The following ADAMTS17 variants were observed in gnomAD, a reference collection of about 807,000 sequenced individuals.
ADAMTS17 encodes A disintegrin and metalloproteinase with thrombospondin motifs 17.
A neutral mutation model predicts 141.5 loss-of-function variants in ADAMTS17; 113 were observed. That is an observed-to-expected ratio of 0.80 (90% confidence interval 0.69 to 0.93). The LOEUF (loss-of-function observed/expected upper bound fraction) is 0.93. Among genes scored for constraint, ADAMTS17 ranks in the 40% least tolerant of loss-of-function variants. The probability of loss-of-function intolerance (pLI) is 0.00; values close to 1 mark genes in which losing one functional copy is unlikely to be tolerated. For missense variants in ADAMTS17, 1,659 were observed against 1,517.9 expected (o/e 1.09, Z -1.54); for synonymous variants, 768 against 630.6 (o/e 1.22, Z -3.27).
chr15:100,219,307 A>T (rs1411828228), intron 7 of ADAMTS17, among the ~76,000 whole-genome samples: 2 of 152,172 alleles, frequency 1.3e-5, no homozygotes, highest in African/African-American at 2.4e-5. Flanking sequence ...ATATACTAAA[A>T]ACCACTTTAG....
chr15:100,153,935 C>T lies in ADAMTS17; in HGVS notation c.1323-1173G>A, dbSNP rs368569561. Among the ~76,000 whole-genome samples the T allele has an allele frequency of 6.3e-3, 966 of 152,330 alleles. 10 individuals are homozygous for T. Among genetic ancestry groups the T allele is most frequent in the African/African-American group, 0.017 (719 of 41,574 alleles). Reference sequence around the variant, plus strand: ...GTAGCTCACACCTGTAATCCCAGCACTTTGGGAGGCCGAGGCAGGCAGATC... The same window carrying T: ...GTAGCTCACACCTGTAATCCCAGCATTTTGGGAGGCCGAGGCAGGCAGATC... On this transcript the variant is annotated intron_variant, in intron 9 of 21. Coordinates refer to ENST00000268070, the MANE Select transcript of ADAMTS17 (RefSeq NM_139057.4).
chr15:100,293,999 T>A (rs1449661709), intron 3 of ADAMTS17, among the ~76,000 whole-genome samples: 1 of 152,178 alleles, frequency 6.6e-6, no homozygotes, highest in Non-Finnish European at 1.5e-5. Flanking sequence ...AATCTGCCCA[T>A]GGACTTCCAG....
chr15:100,120,389 G>A (rs1293343294), intron 12 of ADAMTS17, among the ~76,000 whole-genome samples: 1 of 152,180 alleles, frequency 6.6e-6, no homozygotes, highest in South Asian at 2.1e-4. Context: ...GAGTCAGGGT[G>A]AGCAGTAAGA....
At chr15:100,035,669 C>T (rs936999337) in intron 18 of ADAMTS17, among the ~76,000 whole-genome samples, 2 of 152,054 alleles carry the variant, frequency 1.3e-5, no homozygotes, top group African/African-American at 2.4e-5. Flanking sequence ...GGAGGACAGG[C>T]GGGTCTGCGT....
intron 10 of ADAMTS17, among the ~76,000 whole-genome samples, chr15:100,140,497 A>ATATATATATATATATG (rs1390126196): frequency 2.7e-5 from 4 of 146,338 alleles, no homozygotes; most frequent in Non-Finnish European, 6.1e-5. Context: ...ACATATATAT[A>ATATATATATATATATG]TATATATATA....
intron 7 of ADAMTS17, among the ~76,000 whole-genome samples, chr15:100,205,490 C>T (rs777496410): frequency 2.1e-4 from 32 of 152,224 alleles, no homozygotes; most frequent in African/African-American, 3.4e-4. Context: ...AGATGATGCT[C>T]GTGTCAGCAG....
At chr15:100,326,566 G>C (rs1387648190) in intron 3 of ADAMTS17, among the ~76,000 whole-genome samples, 1 of 152,176 alleles carries the variant, frequency 6.6e-6, no homozygotes, top group Admixed American at 6.5e-5. Context: ...ATTACACCTG[G>C]ATTTGAGATG....
At chr15:100,297,379 C>T (rs892253073) in intron 3 of ADAMTS17, among the ~76,000 whole-genome samples, 4 of 152,138 alleles carry the variant, frequency 2.6e-5, no homozygotes, top group African/African-American at 7.2e-5. Flanking sequence ...CTTATGGCTT[C>T]TGTGGGCAGA....
chr15:100,044,926 G>C (rs1324236491), intron 18 of ADAMTS17, among the ~76,000 whole-genome samples: 3 of 151,424 alleles, frequency 2.0e-5, no homozygotes, highest in African/African-American at 7.3e-5. Flanking sequence ...TTCTGCCTCA[G>C]CCTCCTGAGT....
At chr15:100,202,309 T>C (rs1249261108) in intron 7 of ADAMTS17, among the ~76,000 whole-genome samples, 1 of 152,090 alleles carries the variant, frequency 6.6e-6, no homozygotes, top group Non-Finnish European at 1.5e-5. Context: ...TGCAGATGAT[T>C]TTTTTTTAAC....
At chr15:100,314,926 G>A (rs984900908) in intron 3 of ADAMTS17, among the ~76,000 whole-genome samples, 19 of 152,202 alleles carry the variant, frequency 1.2e-4, no homozygotes, top group African/African-American at 3.9e-4. Flanking sequence ...TGCAGAAGAG[G>A]AGCCGACCGT....
At chr15:100,211,227 T>TGGA (rs1206741691) in intron 7 of ADAMTS17, among the ~76,000 whole-genome samples, 1 of 139,944 alleles carries the variant, frequency 7.1e-6, no homozygotes, top group Non-Finnish European at 1.5e-5. Flanking sequence ...ACCTGGGAGG[T>TGGA]GGAGGTTGCA....
chr15:100,138,221 A>G (rs116935883), intron 10 of ADAMTS17, among the ~76,000 whole-genome samples: 3 of 152,212 alleles, frequency 2.0e-5, no homozygotes, highest in Admixed American at 1.3e-4. Context: ...AAGTTCTCCT[A>G]AAGAGAGCAA....
intron 10 of ADAMTS17, among the ~76,000 whole-genome samples, chr15:100,141,413 A>G (rs2038644828): frequency 1.3e-5 from 2 of 152,174 alleles, no homozygotes; most frequent in Non-Finnish European, 2.9e-5. Flanking sequence ...ACTCAAAATG[A>G]TACTGAATGA....
chr15:99,985,550 G>A (rs2060568509), intron 20 of ADAMTS17, among the ~76,000 whole-genome samples: 2 of 152,234 alleles, frequency 1.3e-5, no homozygotes, highest in Non-Finnish European at 1.5e-5. Flanking sequence ...GTCATGGGCT[G>A]GGGAGAGAGC....
At chr15:100,084,178 G>A (rs2034936529) in intron 15 of ADAMTS17, among the ~76,000 whole-genome samples, 1 of 152,180 alleles carries the variant, frequency 6.6e-6, no homozygotes, top group Admixed American at 6.5e-5. Flanking sequence ...TTAACAAATG[G>A]CACACTGGGA....
chr15:100,281,141 A>G, intron 4 of ADAMTS17, 88 bp downstream of exon 4: 1 of 1,550,188 alleles, frequency 6.5e-7, no homozygotes, highest in Non-Finnish European at 8.8e-7. Context: ...TCCTCACTTG[A>G]GGAGATGAGG....
intron 15 of ADAMTS17, among the ~76,000 whole-genome samples, chr15:100,065,894 G>T (rs943049208): frequency 1.3e-5 from 2 of 152,096 alleles, no homozygotes; most frequent in Non-Finnish European, 2.9e-5. Context: ...TCAACAGGCT[G>T]GGGGGTGTAT....
chr15:100,299,097 T>C (rs2141801458), intron 3 of ADAMTS17, among the ~76,000 whole-genome samples: 1 of 152,302 alleles, frequency 6.6e-6, no homozygotes, highest in Non-Finnish European at 1.5e-5. Context: ...CTTCATCACC[T>C]TATTTTAACT....
Sources: allele counts gnomAD v4.1 joint callset (sites outside exome capture counted in the v4.1 genomes callset), GRCh38; gene constraint gnomAD v4.1.1; transcripts MANE v1.5; gene names NCBI Gene and HGNC (gene_info 2026-07-23, HGNC 2026-07-21).